The following GALNT13 variants were observed in gnomAD, a reference collection of about 807,000 sequenced individuals.
The protein encoded by GALNT13 is UDP-GalNAc:polypeptide N-acetylgalactosaminyltransferase 13.
A neutral mutation model predicts 64.2 loss-of-function variants in GALNT13; 28 were observed. The observed-to-expected ratio is 0.44, with a 90% CI of 0.32 to 0.60. The LOEUF is 0.60. GALNT13 is among the 20% of genes least tolerant of loss of function. The pLI is 0.05. For synonymous variants in GALNT13, 214 were observed against 224.6 expected, an observed-to-expected ratio of 0.95 and a Z score of 0.42; for missense variants, 577 against 669.8, an observed-to-expected ratio of 0.86 and a Z score of 1.53.
At chr2:153,780,400 G>A in the GALNT13 span, among the ~76,000 whole-genome samples, 8 of 151,722 alleles carry the variant, frequency 5.3e-5, no homozygotes, top group African/African-American at 1.9e-4. Flanking sequence ...GCTGTTCTCC[G>A]TAATCACATC....
At chr2:154,219,932 A>C (rs1017645518) in intron 4 of GALNT13, among the ~76,000 whole-genome samples, 1 of 152,102 alleles carries the variant, frequency 6.6e-6, no homozygotes, top group Non-Finnish European at 1.5e-5. Flanking sequence ...GGAGCAACCT[A>C]ATTTCCGGTA....
the GALNT13 span, among the ~76,000 whole-genome samples, chr2:153,445,099 G>A: frequency 1.3e-5 from 2 of 152,086 alleles, no homozygotes; most frequent in African/African-American, 4.8e-5. Context: ...TAACACATAA[G>A]TACTGATTTC....
chr2:154,264,695 G>T (rs1457738360), intron 8 of GALNT13, among the ~76,000 whole-genome samples: 1 of 151,150 alleles, frequency 6.6e-6, no homozygotes, highest in Non-Finnish European at 1.5e-5. Flanking sequence ...CCACTATTTG[G>T]AATGTAATGA....
At chr2:153,649,337 T>G in the GALNT13 span, among the ~76,000 whole-genome samples, 1 of 152,162 alleles carries the variant, frequency 6.6e-6, no homozygotes, top group Non-Finnish European at 1.5e-5. Flanking sequence ...TTATTGCGTC[T>G]GTTTGATTCT....
chr2:154,200,974 C>A (rs888498178), intron 4 of GALNT13, among the ~76,000 whole-genome samples: 1 of 152,012 alleles, frequency 6.6e-6, no homozygotes, highest in African/African-American at 2.4e-5. Flanking sequence ...TTCTATTTTA[C>A]AACAATTAAA....
the GALNT13 span, among the ~76,000 whole-genome samples, chr2:153,782,204 T>C: frequency 6.6e-6 from 1 of 152,194 alleles, no homozygotes; most frequent in Non-Finnish European, 1.5e-5. Flanking sequence ...CTTCATGCAT[T>C]GATTTTGTCA....
At chr2:153,655,512 G>A in the GALNT13 span, among the ~76,000 whole-genome samples, 5 of 152,124 alleles carry the variant, frequency 3.3e-5, no homozygotes, top group East Asian at 3.9e-4. Context: ...CCAATAAATC[G>A]ATCCAAACCA....
At chr2:153,594,821 G>A in the GALNT13 span, among the ~76,000 whole-genome samples, 4 of 151,898 alleles carry the variant, frequency 2.6e-5, no homozygotes, top group African/African-American at 4.8e-5. Context: ...TTTGCTAATC[G>A]CTTCTGCCGT....
At chr2:153,564,192 T>TTA in the GALNT13 span, among the ~76,000 whole-genome samples, 114 of 141,692 alleles carry the variant, frequency 8.0e-4, no homozygotes, top group African/African-American at 1.5e-3. Flanking sequence ...CATGGATTTT[T>TTA]TATATATATA....
intron 4 of GALNT13, among the ~76,000 whole-genome samples, chr2:154,145,951 T>C (rs1265465299): frequency 6.6e-6 from 1 of 152,004 alleles, no homozygotes; most frequent in Non-Finnish European, 1.5e-5. Flanking sequence ...CTTTTCTTTT[T>C]AATTTGAGAA....
At chr2:153,310,261 A>G in the GALNT13 span, among the ~76,000 whole-genome samples, 3 of 152,218 alleles carry the variant, frequency 2.0e-5, no homozygotes, top group Non-Finnish European at 4.4e-5. Context: ...TTATCCTATT[A>G]TCTGTTAATG....
chr2:153,472,195 C>G, the GALNT13 span, among the ~76,000 whole-genome samples: 1 of 152,064 alleles, frequency 6.6e-6, no homozygotes, highest in South Asian at 2.1e-4. Flanking sequence ...GGCAGTATAT[C>G]TTTAGATGTG....
At chr2:154,257,456 T>C (rs1387273623) in intron 7 of GALNT13, 1 of 152,172 alleles carries the variant, frequency 6.6e-6, no homozygotes, top group African/African-American at 2.4e-5. Context: ...CACTGTAATA[T>C]GTTATATAGT....
chr2:154,170,056 A>C (rs759905748), intron 4 of GALNT13, among the ~76,000 whole-genome samples: 1 of 152,204 alleles, frequency 6.6e-6, no homozygotes, highest in Non-Finnish European at 1.5e-5. Flanking sequence ...TCTTATTACC[A>C]GCTTAGTTGA....
chr2:153,445,633 G>A, the GALNT13 span, among the ~76,000 whole-genome samples: 9 of 152,128 alleles, frequency 5.9e-5, no homozygotes, highest in Admixed American at 2.6e-4. Flanking sequence ...CTGCCTTGGC[G>A]TCCCAAAGTG....
At chr2:154,437,183 G>GCCACCGAA (rs1174396709) in intron 11 of GALNT13, 1 of 156,748 alleles carries the variant, frequency 6.4e-6, no homozygotes, top group African/African-American at 2.4e-5. Context: ...ACAGGCGTGA[G>GCCACCGAA]CCACCGAACC....
intron 9 of GALNT13, among the ~76,000 whole-genome samples, chr2:154,394,218 C>G (rs965059978): frequency 3.7e-4 from 56 of 151,590 alleles, no homozygotes; most frequent in African/African-American, 1.1e-3. Context: ...TGTGCCAGAA[C>G]CAGCTCACTG....
chr2:153,233,477 C>T, the GALNT13 span, among the ~76,000 whole-genome samples: 8 of 102,668 alleles, frequency 7.8e-5, no homozygotes, highest in African/African-American at 1.6e-4. Context: ...TATAATAATA[C>T]CTTATTTTTA....
At chr2:154,059,269 G>A (rs1480563463) in intron 3 of GALNT13, among the ~76,000 whole-genome samples, 1 of 152,192 alleles carries the variant, frequency 6.6e-6, no homozygotes, top group Non-Finnish European at 1.5e-5. Context: ...TGAGAAAAAT[G>A]AAAGGAAGAT....
Sources: allele counts gnomAD v4.1 joint callset (sites outside exome capture counted in the v4.1 genomes callset), GRCh38; gene constraint gnomAD v4.1.1; transcripts MANE v1.5; gene names NCBI Gene and HGNC (gene_info 2026-07-23, HGNC 2026-07-21).